The following THADA variants were observed in gnomAD, a reference collection of about 807,000 sequenced individuals.
THADA encodes tRNA (32-2'-O)-methyltransferase regulator THADA.
A neutral mutation model predicts 219.8 loss-of-function variants in THADA; 213 were observed. That is an observed-to-expected ratio of 0.97 (90% CI 0.87 to 1.09). The LOEUF (loss-of-function observed/expected upper bound fraction) is 1.09. Among genes scored for constraint, THADA ranks in the 50% least tolerant of loss-of-function variants. The pLI is 0.00. For synonymous variants in THADA, 1,018 were observed against 828.9 expected, an observed-to-expected ratio of 1.23 and a Z score of -3.92; for missense variants, 2,956 against 2,311.3, an observed-to-expected ratio of 1.28 and a Z score of -5.72.
At position 43,435,458 on chromosome 2, in the gene THADA, A is replaced by G. The variant is rs375034829; in HGVS notation, c.3837-5156T>C. On this transcript the variant is annotated intron_variant, in intron 26 of 37. Coordinates refer to ENST00000405975, the MANE Select transcript of THADA (RefSeq NM_022065.5). ...TGGGCAACAAGAGACTCCTGGAAGG[A>G]AGGGAGGAAGGAAGGGAGGGAGGGA... Among the ~76,000 whole-genome samples the G allele has an allele frequency of 2.1e-5, 3 of 142,812 alleles. No individual in the cohort carries two copies. The East Asian group carries it at 7.1e-4, about 34-fold the overall frequency. 93.7% of individuals were successfully genotyped at this position (142,812 alleles called of 152,430 possible). A position where few individuals can be genotyped will look rare whatever the true frequency, so the allele number is the denominator to read the frequency against.
At chr2:43,440,833 A>G (rs1028934904) in intron 26 of THADA, among the ~76,000 whole-genome samples, 2 of 152,200 alleles carry the variant, frequency 1.3e-5, no homozygotes, top group African/African-American at 2.4e-5. Flanking sequence ...TCTGCTGACC[A>G]TAATACCACT....
chr2:43,332,473 G>A (rs6760797), intron 30 of THADA, among the ~76,000 whole-genome samples: 36,655 of 151,968 alleles, frequency 0.24, 5,088 homozygotes, highest in African/African-American at 0.38. Flanking sequence ...GACAATTATC[G>A]TTCATTCATA....
intron 24 of THADA, among the ~76,000 whole-genome samples, chr2:43,501,325 AAAAAAAAAAAAAAAG>A (rs1270819355): frequency 6.2e-5 from 9 of 145,706 alleles, no homozygotes; most frequent in African/African-American, 2.4e-4. Flanking sequence ...AAAAAAAAAA[AAAAAAAAAAAAAAAG>A]AGAGACTTTT....
At chr2:43,434,623 G>C (rs1463061913) in intron 26 of THADA, among the ~76,000 whole-genome samples, 1 of 152,188 alleles carries the variant, frequency 6.6e-6, no homozygotes. Flanking sequence ...ACAATGAGGA[G>C]TTTGGCCAGG....
At chr2:43,568,640 A>T (rs141530310) in intron 14 of THADA, among the ~76,000 whole-genome samples, 1,666 of 152,340 alleles carry the variant, frequency 0.011, 35 homozygotes, top group African/African-American at 0.038. Context: ...CACAAATGTC[A>T]TTTTACCCCT....
chr2:43,435,689 G>A (rs1280072310), intron 26 of THADA, among the ~76,000 whole-genome samples: 3 of 149,162 alleles, frequency 2.0e-5, no homozygotes, highest in African/African-American at 7.4e-5. Context: ...AGGCTGATGC[G>A]ACAGAATCGC....
chr2:43,487,640 G>T (rs1322289298), intron 25 of THADA, among the ~76,000 whole-genome samples: 2 of 152,166 alleles, frequency 1.3e-5, no homozygotes, highest in Non-Finnish European at 2.9e-5. Flanking sequence ...AGGTGGTGGA[G>T]GCCCTTGGGA....
chr2:43,437,217 C>T (rs1573641702), intron 26 of THADA, among the ~76,000 whole-genome samples: 1 of 152,076 alleles, frequency 6.6e-6, no homozygotes, highest in South Asian at 2.1e-4. Flanking sequence ...CAAGTCATAA[C>T]AATATAAATG....
intron 29 of THADA, among the ~76,000 whole-genome samples, chr2:43,352,247 A>T (rs1447754278): frequency 1.3e-5 from 2 of 152,234 alleles, no homozygotes; most frequent in Non-Finnish European, 2.9e-5. Context: ...GAAACTCTTA[A>T]TGTAGTAAAA....
chr2:43,413,623 C>A (rs886507020), intron 28 of THADA, among the ~76,000 whole-genome samples: 3 of 152,156 alleles, frequency 2.0e-5, no homozygotes, highest in Non-Finnish European at 4.4e-5. Flanking sequence ...ATTGCCACTT[C>A]TTTTGGTTCA....
chr2:43,247,727 CAAAAAAAAA>C (rs56687341), intron 36 of THADA, among the ~76,000 whole-genome samples: 1 of 53,376 alleles, frequency 1.9e-5, no homozygotes, highest in African/African-American at 7.1e-5. Context: ...GACTCCGTCT[CAAAAAAAAA>C]AAAAAAAAAA....
At chr2:43,377,601 C>T (rs575292960) in intron 29 of THADA, among the ~76,000 whole-genome samples, 3 of 152,154 alleles carry the variant, frequency 2.0e-5, no homozygotes, top group East Asian at 1.9e-4. Flanking sequence ...ATCATCTGAT[C>T]GGGGATATGG....
chr2:43,530,961 C>T (rs1285685349), intron 21 of THADA, among the ~76,000 whole-genome samples: 2 of 152,218 alleles, frequency 1.3e-5, no homozygotes, highest in South Asian at 2.1e-4. Context: ...AATAAACCCA[C>T]ATAGCTAATA....
Position 43,269,358 on chromosome 2 carries a change from T to C in THADA, c.5296+10407A>G, listed in dbSNP as rs141245239. Among the ~76,000 whole-genome samples, 291 of 152,340 alleles carry C rather than the reference T, an allele frequency of 1.9e-3. 1 individual carries two copies. The highest frequency in any genetic ancestry group is 6.6e-3 in the African/African-American group (273 of 41,572). On this transcript the variant is annotated intron_variant, in intron 36 of 37. Transcript: ENST00000405975. ...CGAAAGGAGCCTGTTGTTGTCTCTC[T>C]GGGGATTAGTCACTGGGAGGCCATG...
chr2:43,490,821 A>C (rs1418952657), intron 25 of THADA, among the ~76,000 whole-genome samples: 1 of 152,134 alleles, frequency 6.6e-6, no homozygotes, highest in African/African-American at 2.4e-5. Context: ...CATAGGGTTT[A>C]GTACTAACCA....
chr2:43,275,829 C>T lies in THADA; in HGVS notation c.5296+3936G>A, dbSNP rs554840090. 1.1e-4 allele frequency among the ~76,000 whole-genome samples: 17 copies of T among 152,358 alleles called. No individual in the cohort carries two copies. In the South Asian group the frequency reaches 3.5e-3, roughly 32 times the overall value. ...CCTCTCCTGCTGCTCTCATCCAGAA[C>T]TCTGCCTAACTTAAGAATCATGCAA... On this transcript the variant is annotated intron_variant, in intron 36 of 37. Coordinates refer to ENST00000405975, the MANE Select transcript of THADA (RefSeq NM_022065.5).
chr2:43,322,674 C>CTTTTTT (rs34557514), intron 30 of THADA, among the ~76,000 whole-genome samples: 1,894 of 54,886 alleles, frequency 0.035, 480 homozygotes, highest in Middle Eastern at 0.095. Flanking sequence ...ACATTCTATT[C>CTTTTTT]TTTTTTTTTT....
intron 25 of THADA, among the ~76,000 whole-genome samples, chr2:43,496,358 T>A (rs939063216): frequency 2.6e-5 from 4 of 152,228 alleles, no homozygotes; most frequent in African/African-American, 9.6e-5. Flanking sequence ...TTGCCCATTA[T>A]CTTTAAAGTT....
At chr2:43,527,783 T>C (rs1288727271) in intron 22 of THADA, 96 bp downstream of exon 22, 2 of 856,392 alleles carry the variant, frequency 2.3e-6, no homozygotes, top group African/African-American at 3.4e-5. Context: ...GGTCTTATTC[T>C]TTTAAACTTC....
Sources: allele counts gnomAD v4.1 joint callset (sites outside exome capture counted in the v4.1 genomes callset), GRCh38; gene constraint gnomAD v4.1.1; transcripts MANE v1.5; gene names NCBI Gene and HGNC (gene_info 2026-07-23, HGNC 2026-07-21).